EPHA6: variants seen among roughly 807,000 people sequenced by gnomAD.
EPHA6 encodes EPH receptor A6.
EPHA6 carries 50 observed loss-of-function variants against 112.0 expected under a neutral mutation model. The observed-to-expected ratio is 0.45, with a 90% CI of 0.36 to 0.56. The LOEUF (loss-of-function observed/expected upper bound fraction) is 0.56, where lower values mean the gene tolerates loss of function less well. Ranked by LOEUF, EPHA6 falls within the 20% of genes least tolerant of loss-of-function variation. The probability of loss-of-function intolerance (pLI) is 0.00; values close to 1 mark genes in which losing one functional copy is unlikely to be tolerated. For synonymous variants in EPHA6, 529 were observed against 490.7 expected, an observed-to-expected ratio of 1.08 and a Z score of -1.03; for missense variants, 1,280 against 1,417.4, an observed-to-expected ratio of 0.90 and a Z score of 1.56.
intron 2 of EPHA6, among the ~76,000 whole-genome samples, chr3:96,970,908 A>T (rs2042295156): frequency 1.3e-5 from 2 of 152,116 alleles, no homozygotes; most frequent in Non-Finnish European, 1.5e-5. Context: ...TACAAGAATC[A>T]AATTAAATGT....
At chr3:97,143,898 A>G (rs1357448715) in intron 3 of EPHA6, among the ~76,000 whole-genome samples, 2 of 151,726 alleles carry the variant, frequency 1.3e-5, no homozygotes, top group African/African-American at 2.4e-5. Flanking sequence ...AGGTAAAATA[A>G]AACAAAGGTT....
intron 3 of EPHA6, among the ~76,000 whole-genome samples, chr3:97,111,380 G>A (rs1222203474): frequency 6.6e-6 from 1 of 151,962 alleles, no homozygotes; most frequent in African/African-American, 2.4e-5. Context: ...TTAAGTACTT[G>A]TTTTCAGCTT....
intron 13 of EPHA6, among the ~76,000 whole-genome samples, chr3:97,637,130 G>T (rs2093952667): frequency 6.6e-6 from 1 of 151,992 alleles, no homozygotes; most frequent in South Asian, 2.1e-4. Context: ...AATCAAGGTG[G>T]AGGGAATAAG....
intron 4 of EPHA6, among the ~76,000 whole-genome samples, chr3:97,238,238 T>C (rs2078737384): frequency 6.6e-6 from 1 of 151,946 alleles, no homozygotes; most frequent in Non-Finnish European, 1.5e-5. Context: ...TATGGGTCTT[T>C]ATTAGTTAAT....
intron 12 of EPHA6, among the ~76,000 whole-genome samples, chr3:97,595,777 G>A (rs1024306176): frequency 2.6e-5 from 4 of 151,598 alleles, no homozygotes; most frequent in East Asian, 1.9e-4. Context: ...TAGAAATGAC[G>A]TAACTCTAAA....
At chr3:96,888,703 G>A (rs1029997461) in intron 2 of EPHA6, among the ~76,000 whole-genome samples, 4 of 152,100 alleles carry the variant, frequency 2.6e-5, no homozygotes, top group African/African-American at 7.2e-5. Context: ...TTTCTTTCTA[G>A]GCCTCTGGGC....
chr3:97,558,217 CT>C (rs1157901312), intron 11 of EPHA6, among the ~76,000 whole-genome samples: 1 of 151,926 alleles, frequency 6.6e-6, no homozygotes, highest in East Asian at 1.9e-4. Context: ...ATGGAAGATC[CT>C]TTTCCAGCTG....
At chr3:97,248,037 A>C (rs1307005017) in intron 5 of EPHA6, among the ~76,000 whole-genome samples, 6 of 151,970 alleles carry the variant, frequency 3.9e-5, no homozygotes, top group Non-Finnish European at 8.8e-5. Context: ...TACTAAGAAA[A>C]CCACATTAAA....
intron 11 of EPHA6, among the ~76,000 whole-genome samples, chr3:97,542,757 T>C (rs2092881257): frequency 6.6e-6 from 1 of 152,200 alleles, no homozygotes; most frequent in Non-Finnish European, 1.5e-5. Context: ...CCAGCACCTG[T>C]TGTTTCCTGA....
rs2088917173 is a variant in EPHA6, at chr3:97,424,297, G to A, written c.1731+19023G>A. On this transcript the variant is annotated intron_variant, in intron 6 of 17. Coordinates refer to ENST00000389672, the MANE Select transcript of EPHA6 (RefSeq NM_001080448.3). ...ACACATGGGGATTATTACATGTTAA[G>A]GTGAGATTTTGGTGGGGACACAGCC... 3.3e-5 allele frequency among the ~76,000 whole-genome samples: 5 copies of A among 152,124 alleles called. No individual in the cohort carries two copies. In the South Asian group the frequency reaches 1.0e-3, roughly 32 times the overall value.
intron 7 of EPHA6, among the ~76,000 whole-genome samples, chr3:97,455,260 A>G (rs564529211): frequency 4.6e-5 from 7 of 152,154 alleles, no homozygotes; most frequent in East Asian, 3.9e-4. Flanking sequence ...GTGAGTTCTA[A>G]TTATGTTCCA....
At position 97,304,638 on chromosome 3, in the gene EPHA6, A is replaced by C. The variant is rs1487494257; in HGVS notation, c.1606+60351A>C. 7.9e-5 allele frequency among the ~76,000 whole-genome samples: 12 copies of C among 152,200 alleles called. 1 individual carries two copies. In the South Asian group the frequency reaches 1.7e-3, roughly 21 times the overall value. ...TTGATAAACCTGACAAAAACAAGCA[A>C]TGGGAAAAGGATTCCCTATTTAATA... is the stretch of plus-strand genomic sequence containing the variant. On this transcript the variant is annotated intron_variant, in intron 5 of 17. Coordinates refer to ENST00000389672, the MANE Select transcript of EPHA6 (RefSeq NM_001080448.3).
At chr3:97,238,141 T>A (rs2078735052) in intron 4 of EPHA6, among the ~76,000 whole-genome samples, 1 of 151,982 alleles carries the variant, frequency 6.6e-6, no homozygotes, top group African/African-American at 2.4e-5. Flanking sequence ...TGCTTACTTT[T>A]CAGGTTTTCA....
intron 1 of EPHA6, among the ~76,000 whole-genome samples, chr3:96,853,457 A>G (rs1315505536): frequency 1.3e-5 from 2 of 151,720 alleles, no homozygotes; most frequent in Admixed American, 1.3e-4. Context: ...CATTCTCCAA[A>G]CTCAGTGGCC....
At chr3:97,022,958 T>A (rs2044513523) in intron 3 of EPHA6, among the ~76,000 whole-genome samples, 1 of 152,176 alleles carries the variant, frequency 6.6e-6, no homozygotes, top group Non-Finnish European at 1.5e-5. Flanking sequence ...ATATCCTTGC[T>A]TCATCAAATA....
intron 2 of EPHA6, among the ~76,000 whole-genome samples, chr3:96,970,774 A>G (rs1248547280): frequency 6.6e-6 from 1 of 152,082 alleles, no homozygotes; most frequent in Non-Finnish European, 1.5e-5. Flanking sequence ...GTCCAACATA[A>G]CTTTTCACAT....
intron 14 of EPHA6, among the ~76,000 whole-genome samples, chr3:97,708,621 C>T (rs2033804209): frequency 6.6e-6 from 1 of 152,190 alleles, no homozygotes; most frequent in Non-Finnish European, 1.5e-5. Flanking sequence ...TGTTAATCGC[C>T]AAGACAATGG....
intron 15 of EPHA6, among the ~76,000 whole-genome samples, chr3:97,726,281 T>C (rs547375041): frequency 3.2e-4 from 49 of 152,246 alleles, no homozygotes; most frequent in Non-Finnish European, 5.9e-4. Context: ...TAAGCTCTAC[T>C]GTGGAAGTCC....
rs116668508 is a variant in EPHA6 at position 97,382,576 on chromosome 3, T to C, written c.1607-22574T>C. On this transcript the variant is annotated intron_variant, in intron 5 of 17. Coordinates refer to ENST00000389672, the MANE Select transcript of EPHA6 (RefSeq NM_001080448.3). ...CTTCGGTATACCCAGTAGTGCTCAA[T>C]TGATGTGCTCTTTCAAATAACTAAA... is the stretch of plus-strand genomic sequence containing the variant. Among the ~76,000 whole-genome samples, 756 of 152,182 alleles carry C rather than the reference T, an allele frequency of 5.0e-3. 4 individuals are homozygous for C. The highest frequency in any genetic ancestry group is 7.8e-3 in the Non-Finnish European group (532 of 67,908).
Sources: gnomAD v4.1 joint callset for allele counts (sites outside exome capture counted in the v4.1 genomes callset) on GRCh38, gnomAD v4.1.1 for gene constraint, MANE v1.5 for transcripts, NCBI Gene and HGNC (gene_info 2026-07-23, HGNC 2026-07-21) for gene names.